MAP3K2: variants seen among roughly 807,000 people sequenced by gnomAD.
MAP3K2 encodes the protein MAP/ERK kinase kinase 2.
Under a neutral mutation model 80.3 loss-of-function variants are expected in MAP3K2, and 24 were observed. That is an observed-to-expected ratio of 0.30 (90% CI 0.22 to 0.42). The LOEUF is 0.42. Ranked by LOEUF, MAP3K2 falls within the 10% of genes least tolerant of loss-of-function variation. MAP3K2 has a pLI of 1.00. For missense variants in MAP3K2, 608 were observed against 750.1 expected, an observed-to-expected ratio of 0.81 and a Z score of 2.21; for synonymous variants, 244 against 253.7, an observed-to-expected ratio of 0.96 and a Z score of 0.36.
intron 14 of MAP3K2, among the ~76,000 whole-genome samples, chr2:127,316,044 CA>C (rs1242482970): frequency 1.3e-5 from 2 of 152,048 alleles, no homozygotes; most frequent in African/African-American, 4.8e-5. Context: ...CACTGCACTC[CA>C]GTCTAGGCAA....
intron 1 of MAP3K2, among the ~76,000 whole-genome samples, chr2:127,378,756 T>C (rs984242709): frequency 6.6e-6 from 1 of 152,026 alleles, no homozygotes; most frequent in African/African-American, 2.4e-5. Context: ...GTTTTTGTGT[T>C]TGTTTGTTTT....
chr2:127,368,016 C>T (rs1433257424), intron 1 of MAP3K2, among the ~76,000 whole-genome samples: 1 of 152,100 alleles, frequency 6.6e-6, no homozygotes, highest in East Asian at 1.9e-4. Flanking sequence ...ATGCTCAAGT[C>T]CCTCATATAA....
intron 7 of MAP3K2, among the ~76,000 whole-genome samples, chr2:127,328,490 A>C (rs536330211): frequency 6.6e-6 from 1 of 152,350 alleles, no homozygotes; most frequent in Non-Finnish European, 1.5e-5. Context: ...CATGATTTAA[A>C]GATGAAGACA....
chr2:127,311,130 A>G (rs62157550), intron 15 of MAP3K2, among the ~76,000 whole-genome samples: 5 of 152,168 alleles, frequency 3.3e-5, no homozygotes, highest in Non-Finnish European at 5.9e-5. Context: ...AGTCTAGTCA[A>G]TGATGGTTCC....
intron 1 of MAP3K2, among the ~76,000 whole-genome samples, chr2:127,355,991 A>G (rs1392462472): frequency 2.6e-5 from 4 of 152,144 alleles, no homozygotes; most frequent in African/African-American, 9.7e-5. Flanking sequence ...GCTTGTCCAT[A>G]AGAAGCAACT....
intron 5 of MAP3K2, among the ~76,000 whole-genome samples, chr2:127,333,814 T>C (rs1199119217): frequency 6.6e-6 from 1 of 151,076 alleles, no homozygotes. Flanking sequence ...AAAATACAGA[T>C]CAGGCCAGGC....
rs917531439 is a variant in MAP3K2 at position 127,376,491 on chromosome 2, C to T, written c.-66+10961G>A. 5.3e-5 allele frequency among the ~76,000 whole-genome samples: 8 copies of T among 152,264 alleles called. No homozygotes were observed. In the South Asian group the frequency reaches 6.2e-4, roughly 12 times the overall value. On this transcript the variant is annotated intron_variant, in intron 1 of 16. Coordinates refer to ENST00000682094, the MANE Select transcript of MAP3K2 (RefSeq NM_001371910.2). ...CTGTGGGTGGCCTGGTCCCCTAGCCCGCTCTTTCACTGGTTTCTGGTGTCT... is the reference window on the plus strand; with the variant it reads ...CTGTGGGTGGCCTGGTCCCCTAGCCTGCTCTTTCACTGGTTTCTGGTGTCT...
At chr2:127,308,862 T>G (rs1685757585) in intron 15 of MAP3K2, 100 bp from the exon 16 acceptor site, 1 of 1,267,470 alleles carries the variant, frequency 7.9e-7, no homozygotes, top group East Asian at 2.5e-5. Context: ...ACTCTTTGAT[T>G]TGTCCCCAAA....
intron 1 of MAP3K2, among the ~76,000 whole-genome samples, chr2:127,379,387 A>G (rs62156834): frequency 6.8e-4 from 104 of 152,290 alleles, no homozygotes; most frequent in Non-Finnish European, 1.3e-3. Flanking sequence ...AAACCCCATG[A>G]ATTAGACACT....
In MAP3K2 at chr2:127,322,847, G is replaced by A. The variant is rs956606036; in HGVS notation, c.839-595C>T. Among the ~76,000 whole-genome samples, 7 of 151,230 alleles carry A rather than the reference G, an allele frequency of 4.6e-5. No homozygotes were observed. The highest frequency in any genetic ancestry group is 1.0e-4 in the Non-Finnish European group (7 of 67,788). On this transcript the variant is annotated intron_variant, in intron 11 of 16. Transcript: ENST00000682094. This position sits in a 1 kb window ranked among gnomAD's most constrained non-coding sequence, Gnocchi z 4.2. ...TGACCTCAGGTGATCCACCCGCCTCGGCCTCCCAAAGTGCTGGGATTACAG... is the reference window on the plus strand; with the variant it reads ...TGACCTCAGGTGATCCACCCGCCTCAGCCTCCCAAAGTGCTGGGATTACAG...
chr2:127,383,596 A>C (rs1199017857), intron 1 of MAP3K2, among the ~76,000 whole-genome samples: 4 of 152,244 alleles, frequency 2.6e-5, no homozygotes, highest in Admixed American at 6.5e-5. Flanking sequence ...GTTTTTCTAA[A>C]TATGACAGAG....
chr2:127,334,578 T>C (rs1686328081), intron 5 of MAP3K2, among the ~76,000 whole-genome samples: 1 of 152,040 alleles, frequency 6.6e-6, no homozygotes, highest in Non-Finnish European at 1.5e-5. Flanking sequence ...CCCGAATAGC[T>C]GGGACTACAG....
chr2:127,341,890 C>A (rs1302319904), intron 2 of MAP3K2, among the ~76,000 whole-genome samples: 1 of 152,004 alleles, frequency 6.6e-6, no homozygotes, highest in Non-Finnish European at 1.5e-5. Flanking sequence ...CCAAAAAATA[C>A]TTGGAAAATA....
At chr2:127,367,664 A>T (rs1443814914) in intron 1 of MAP3K2, among the ~76,000 whole-genome samples, 1 of 152,094 alleles carries the variant, frequency 6.6e-6, no homozygotes, top group East Asian at 1.9e-4. Context: ...GTGGTGGCAC[A>T]TGCCTGTAAT....
chr2:127,317,348 AAT>A (rs1685927607), intron 14 of MAP3K2, among the ~76,000 whole-genome samples: 2 of 152,214 alleles, frequency 1.3e-5, no homozygotes, highest in African/African-American at 4.8e-5. Flanking sequence ...ACTTGGTGTG[AAT>A]ATATCAGCTA....
At chr2:127,337,106 C>A (rs1402203656) in intron 4 of MAP3K2, among the ~76,000 whole-genome samples, 1 of 151,952 alleles carries the variant, frequency 6.6e-6, no homozygotes, top group Non-Finnish European at 1.5e-5. Flanking sequence ...CACGCCATTG[C>A]ACTCCAGCCT....
In MAP3K2 at chr2:127,364,103, C is replaced by T. The variant is rs2104876797; in HGVS notation, c.-65-20909G>A. On this transcript the variant is annotated intron_variant, in intron 1 of 16. Transcript: ENST00000682094. This position sits in a 1 kb window ranked among gnomAD's most constrained non-coding sequence, Gnocchi z 4.1. ...TAATATAGCACACATATGTTTCAGT[C>T]AATCTAACCTATCTGCTTTTCTCAA... Among the ~76,000 whole-genome samples, 1 of 152,240 alleles carries T rather than the reference C, an allele frequency of 6.6e-6. No individual in the cohort carries two copies. Among genetic ancestry groups the T allele is most frequent in the Middle Eastern group, 3.4e-3 (1 of 294 alleles).
At chr2:127,383,316 C>T (rs1011619626) in intron 1 of MAP3K2, among the ~76,000 whole-genome samples, 2 of 152,138 alleles carry the variant, frequency 1.3e-5, no homozygotes, top group African/African-American at 2.4e-5. Flanking sequence ...TTCCAATCAA[C>T]GAGTATGGGA....
rs1281357897 is a variant in MAP3K2, at chr2:127,310,806, C to T, written c.1457-2044G>A. On this transcript the variant is annotated intron_variant, in intron 15 of 16. Transcript: ENST00000682094. The surrounding 1 kb of genome is among the most constrained non-coding windows in gnomAD (Gnocchi z 4.8). ...TCATTTCTCTTCTCATTTTTTTCCA[C>T]ATAGCCCTCATTACTTTGGACCTTC... 6.6e-6 allele frequency among the ~76,000 whole-genome samples: 1 copy of T among 152,018 alleles called. No homozygotes were observed. The highest frequency in any genetic ancestry group is 1.5e-5 in the Non-Finnish European group (1 of 67,998).
Sources: allele counts gnomAD v4.1 joint callset (sites outside exome capture counted in the v4.1 genomes callset), GRCh38; gene constraint gnomAD v4.1.1; non-coding constraint Gnocchi (gnomAD v3.1); transcripts MANE v1.5; gene names NCBI Gene and HGNC (gene_info 2026-07-23, HGNC 2026-07-21).